The following ANKFN1 variants were observed in gnomAD, a reference collection of about 807,000 sequenced individuals.
ANKFN1 encodes ankyrin repeat and fibronectin type-III domain-containing protein 1.
Under a neutral mutation model 108.7 loss-of-function variants are expected in ANKFN1, and 74 were observed. That is an observed-to-expected ratio of 0.68 (90% CI 0.56 to 0.83). The LOEUF (loss-of-function observed/expected upper bound fraction) is 0.83. ANKFN1 is among the 40% of genes least tolerant of loss of function. ANKFN1 has a pLI of 0.00. For synonymous variants in ANKFN1, 547 were observed against 516.2 expected, an observed-to-expected ratio of 1.06 and a Z score of -0.81; for missense variants, 1,505 against 1,382.3, an observed-to-expected ratio of 1.09 and a Z score of -1.41.
At chr17:56,211,184 A>G (rs1021079605) in intron 1 of ANKFN1, among the ~76,000 whole-genome samples, 7 of 152,184 alleles carry the variant, frequency 4.6e-5, no homozygotes, top group African/African-American at 1.7e-4. Context: ...GCCTAAGCCA[A>G]TGTCTAGAAG....
intron 4 of ANKFN1, among the ~76,000 whole-genome samples, chr17:56,089,029 A>G (rs923911831): frequency 2.0e-5 from 3 of 147,822 alleles, no homozygotes; most frequent in Admixed American, 1.3e-4. Context: ...TTGGATTGTA[A>G]CCACTATACT....
At chr17:56,315,827 T>TTC (rs2045189840) in intron 3 of ANKFN1, among the ~76,000 whole-genome samples, 1 of 152,140 alleles carries the variant, frequency 6.6e-6, no homozygotes, top group Non-Finnish European at 1.5e-5. Context: ...ACAGAAGAAC[T>TTC]AGGCCAGAAA....
chr17:56,490,664 T>A (rs2051006664), intron 18 of ANKFN1, among the ~76,000 whole-genome samples: 1 of 152,104 alleles, frequency 6.6e-6, no homozygotes, highest in African/African-American at 2.4e-5. Flanking sequence ...TAGCTTGTCA[T>A]TTACTGAGAG....
At chr17:56,059,302 T>A (rs1904932484) in intron 4 of ANKFN1, among the ~76,000 whole-genome samples, 1 of 152,252 alleles carries the variant, frequency 6.6e-6, no homozygotes, top group Non-Finnish European at 1.5e-5. Flanking sequence ...TGTAAATTTG[T>A]TTAAGTTCCT....
At chr17:56,272,509 C>T (rs1344151705) in intron 3 of ANKFN1, among the ~76,000 whole-genome samples, 1 of 152,144 alleles carries the variant, frequency 6.6e-6, no homozygotes, top group East Asian at 1.9e-4. Flanking sequence ...TCAGGATTTC[C>T]TTCCTTTTTA....
chr17:56,257,104 A>T (rs779092103), intron 3 of ANKFN1, among the ~76,000 whole-genome samples: 3 of 152,194 alleles, frequency 2.0e-5, no homozygotes. Context: ...TCAAAGTGTT[A>T]CAGTAGATTA....
At chr17:56,398,007 C>T (rs1282976273) in intron 8 of ANKFN1, among the ~76,000 whole-genome samples, 1 of 152,152 alleles carries the variant, frequency 6.6e-6, no homozygotes, top group Non-Finnish European at 1.5e-5. Context: ...GGGGGTTTCC[C>T]AGATTCCGTT....
At chr17:56,425,541 T>C (rs1327817845) in intron 8 of ANKFN1, among the ~76,000 whole-genome samples, 2 of 152,376 alleles carry the variant, frequency 1.3e-5, no homozygotes, top group African/African-American at 2.4e-5. Flanking sequence ...TCCTGTCTCC[T>C]GTCCCATCTT....
chr17:56,056,207 C>T (rs1028927909), intron 4 of ANKFN1, among the ~76,000 whole-genome samples: 1 of 151,934 alleles, frequency 6.6e-6, no homozygotes, highest in Non-Finnish European at 1.5e-5. Context: ...TTTTCTTTTG[C>T]TGTGCAGACT....
In ANKFN1 at chr17:56,492,332, G is replaced by A; in HGVS notation, c.2406G>A (p.Gln802=). Residue 802 remains glutamine (Q), a synonymous_variant, in exon 19 of 21, where the codon CAG becomes CAA. Coordinates refer to ENST00000682825, the MANE Select transcript of ANKFN1 (RefSeq NM_001370326.1). The part of the protein sequence containing the change: ...SEVAAAKQRH[Q]QVLDFIQQID... ...TTGCAGCTGCCAAACAAAGACACCA[G>A]CAAGTTTTAGATTTCATTCAGGTAA... The A allele has an allele frequency of 1.4e-6, 1 of 702,338 alleles. No homozygotes were observed. The highest frequency in any genetic ancestry group is 2.6e-6 in the Non-Finnish European group (1 of 384,532). 43.5% of individuals were successfully genotyped at this position (702,338 alleles called of 1,614,324 possible). A position where few individuals can be genotyped will look rare whatever the true frequency, so the allele number is the denominator to read the frequency against.
intron 4 of ANKFN1, among the ~76,000 whole-genome samples, chr17:56,050,569 A>T (rs1014964854): frequency 2.0e-5 from 3 of 149,596 alleles, no homozygotes; most frequent in African/African-American, 7.4e-5. Flanking sequence ...TGATTTTTGT[A>T]TAAGGTGTAA....
chr17:56,320,446 C>A (rs1334524135), intron 3 of ANKFN1, among the ~76,000 whole-genome samples: 1 of 152,074 alleles, frequency 6.6e-6, no homozygotes, highest in African/African-American at 2.4e-5. Flanking sequence ...TGGGGCCGAG[C>A]AGATAAAGAA....
In ANKFN1 at chr17:56,499,108, G is replaced by A; in HGVS notation, c.2644+10G>A. ...AGAAAGACAGTGAGTGGTAAGCAAT[G>A]AGATCTGAAGTTCTGTTGTTTAGTC... On this transcript the variant is annotated intron_variant, in intron 20 of 20. Transcript: ENST00000682825. The A allele has an allele frequency of 6.5e-7, 1 of 1,534,756 alleles. No individual in the cohort carries two copies. The highest frequency in any genetic ancestry group is 8.7e-7 in the Non-Finnish European group (1 of 1,145,956).
chr17:56,306,673 A>G (rs910723566), intron 3 of ANKFN1, among the ~76,000 whole-genome samples: 1 of 152,216 alleles, frequency 6.6e-6, no homozygotes, highest in Non-Finnish European at 1.5e-5. Flanking sequence ...TATAGATTCA[A>G]TGCCATCTCC....
Position 56,244,878 on chromosome 17 carries a change from G to A in ANKFN1, c.53+16921G>A, listed in dbSNP as rs1257907213. Among the ~76,000 whole-genome samples, 3 of 151,958 alleles carry A rather than the reference G, an allele frequency of 2.0e-5. No individual in the cohort carries two copies. The South Asian group carries it at 6.2e-4, about 32-fold the overall frequency. Reference sequence around the variant, plus strand: ...TAATTTAGACAAGTATCACTCAGATGGCCATTTTTTTTGTTCCATTCAAAT... The same window carrying A: ...TAATTTAGACAAGTATCACTCAGATAGCCATTTTTTTTGTTCCATTCAAAT... On this transcript the variant is annotated intron_variant, in intron 3 of 20. Transcript: ENST00000682825.
chr17:56,052,152 C>A (rs1164079871), intron 4 of ANKFN1, among the ~76,000 whole-genome samples: 1 of 152,116 alleles, frequency 6.6e-6, no homozygotes, highest in African/African-American at 2.4e-5. Flanking sequence ...AGGAATCACA[C>A]TACCTGACTT....
chr17:56,194,738 A>G (rs1196357743), intron 1 of ANKFN1, among the ~76,000 whole-genome samples: 1 of 152,164 alleles, frequency 6.6e-6, no homozygotes, highest in East Asian at 1.9e-4. Context: ...GTAAACTGTA[A>G]ACTTTGGGTG....
intron 4 of ANKFN1, among the ~76,000 whole-genome samples, chr17:56,111,495 T>C (rs960439428): frequency 1.3e-5 from 2 of 150,472 alleles, no homozygotes; most frequent in Non-Finnish European, 3.0e-5. Flanking sequence ...CAAGTAAATA[T>C]TTAAGACAAA....
At chr17:56,366,470 T>C (rs2046664891) in intron 6 of ANKFN1, among the ~76,000 whole-genome samples, 1 of 152,192 alleles carries the variant, frequency 6.6e-6, no homozygotes, top group South Asian at 2.1e-4. Flanking sequence ...GTGTCAGTAA[T>C]GTCCTACGTC....
Sources: gnomAD v4.1 joint callset for allele counts (sites outside exome capture counted in the v4.1 genomes callset) on GRCh38, gnomAD v4.1.1 for gene constraint, MANE v1.5 for transcripts, NCBI Gene and HGNC (gene_info 2026-07-23, HGNC 2026-07-21) for gene names.